Variants in TANC1 observed in about 807,000 individuals in gnomAD.
TANC1 encodes the protein tetratricopeptide repeat, ankyrin repeat and coiled-coil containing 1.
A neutral mutation model predicts 149.7 loss-of-function variants in TANC1; 77 were observed. The ratio of observed to expected loss-of-function variants is 0.51; its 90% CI spans 0.43 to 0.62. The LOEUF is 0.62. TANC1 is among the 20% of genes least tolerant of loss of function. TANC1 has a pLI of 0.00. For missense variants in TANC1, 1,985 were observed against 2,321.8 expected (o/e 0.85, Z 2.98); for synonymous variants, 854 against 925.0 (o/e 0.92, Z 1.39).
intron 14 of TANC1, among the ~76,000 whole-genome samples, chr2:159,180,792 A>G (rs1467741353): frequency 1.3e-5 from 2 of 152,208 alleles, no homozygotes; most frequent in Admixed American, 6.5e-5. Context: ...GTTATGTGCA[A>G]AGTACTGTGG....
chr2:159,163,315 C>G lies in TANC1; in HGVS notation c.715C>G (p.Arg239Gly), dbSNP rs367744696. Residue 239 changes from arginine to glycine, a missense_variant, in exon 8 of 27, where the codon CGG becomes GGG. By Grantham distance (125) the Arg-to-Gly change is moderately radical. Coordinates refer to ENST00000263635, the MANE Select transcript of TANC1 (RefSeq NM_033394.3). ...TACAAGTTCATCCGAAAATGATGAC[C>G]GGAGTGGCTCCAGTTTGGAATGGAA... ...TITSSSENDD[R>G]SGSSLEWNKD... 6 of 1,613,936 alleles carry G rather than the reference C, an allele frequency of 3.7e-6. No homozygotes were observed. Among genetic ancestry groups the G allele is most frequent in the Non-Finnish European group, 4.2e-6 (5 of 1,179,930 alleles).
chr2:159,074,507 G>A (rs886961163), intron 3 of TANC1, among the ~76,000 whole-genome samples: 2 of 152,148 alleles, frequency 1.3e-5, no homozygotes, highest in African/African-American at 2.4e-5. Context: ...ATGGAAGAGA[G>A]CCACCTGCAC....
chr2:159,186,766 T>A (rs1258332297), intron 15 of TANC1, 136 bp from the exon 16 acceptor site: 1 of 1,058,502 alleles, frequency 9.4e-7, no homozygotes, highest in African/African-American at 1.6e-5. Flanking sequence ...ATTCTTTGTG[T>A]GTGACCCCGT....
chr2:159,001,291 A>G lies in TANC1; in HGVS notation c.-16+102A>G, dbSNP rs989619659. 1 of 152,288 alleles carries G rather than the reference A, an allele frequency of 6.6e-6. No individual in the cohort carries two copies. The highest frequency in any genetic ancestry group is 1.5e-5 in the Non-Finnish European group (1 of 68,080). 9.4% of individuals were successfully genotyped at this position (152,288 alleles called of 1,614,324 possible). A position where few individuals can be genotyped will look rare whatever the true frequency, so the allele number is the denominator to read the frequency against. ...TGAGGTTAGAAGAGAGATGGCCTGT[A>G]GAACGTCCAGTCTTTCCACCTGCCC... On this transcript the variant is annotated intron_variant, in intron 2 of 26. Transcript: ENST00000263635. This position sits in a 1 kb window ranked among gnomAD's most constrained non-coding sequence, Gnocchi z 4.3.
At chr2:159,047,483 C>G (rs1479437826) in intron 2 of TANC1, among the ~76,000 whole-genome samples, 2 of 152,112 alleles carry the variant, frequency 1.3e-5, no homozygotes, top group Non-Finnish European at 2.9e-5. Flanking sequence ...CTGGGAACTA[C>G]TTAGGGCAAA....
intron 3 of TANC1, among the ~76,000 whole-genome samples, chr2:159,087,280 T>C (rs1330964587): frequency 1.3e-5 from 2 of 152,334 alleles, no homozygotes; most frequent in East Asian, 3.9e-4. Flanking sequence ...TAGTGGATTC[T>C]GTTTTTTCTC....
Position 159,170,767 on chromosome 2 carries a change from G to A in TANC1, c.1313G>A (p.Arg438Lys). 6.2e-7 allele frequency: 1 copy of A among 1,614,214 alleles called. No homozygotes were observed. The highest frequency in any genetic ancestry group is 8.5e-7 in the Non-Finnish European group (1 of 1,180,024). ...VALSCHGSRM[R>K]QIASNSPGSS... ...CTGAGCTGCCACGGAAGCCGCATGA[G>A]GCAGATTGCTTCCAACAGCCCGGGT... The change falls in exon 10 of 27, where the codon AGG becomes AAG. Residue 438 changes from arginine (R) to lysine (K), a missense_variant. This residue lies in a region of TANC1 where 557 missense variants were observed against 612.9 expected (regional missense o/e 0.91). Transcript: ENST00000263635.
intron 1 of TANC1, among the ~76,000 whole-genome samples, chr2:158,983,468 C>CAA (rs35472970): frequency 7.6e-4 from 67 of 88,710 alleles, no homozygotes; most frequent in African/African-American, 2.2e-3. Context: ...CTCCGTCTCC[C>CAA]AAAAAAAAAA....
At chr2:159,087,842 G>C (rs979612983) in intron 3 of TANC1, among the ~76,000 whole-genome samples, 1 of 149,432 alleles carries the variant, frequency 6.7e-6, no homozygotes, top group African/African-American at 2.5e-5. Context: ...TTCAGATGAA[G>C]TCACGCTAGG....
In TANC1 at chr2:159,221,804, C is replaced by T. The variant is rs532010832; in HGVS notation, c.3678+1937C>T. Among the ~76,000 whole-genome samples, 13 of 152,280 alleles carry T rather than the reference C, an allele frequency of 8.5e-5. No homozygotes were observed. In the South Asian group the frequency reaches 1.9e-3, roughly 22 times the overall value. On this transcript the variant is annotated intron_variant, in intron 22 of 26. Transcript: ENST00000263635. ...TCTTTGCCAAATGCCCATGTCTAATCGAGGTTTGAGGGAATAAAACCTTGA... is the reference window on the plus strand; with the variant it reads ...TCTTTGCCAAATGCCCATGTCTAATTGAGGTTTGAGGGAATAAAACCTTGA...
At chr2:159,225,813 A>G (rs1255467924) in intron 24 of TANC1, 34 bp downstream of exon 24, 1 of 1,499,160 alleles carries the variant, frequency 6.7e-7, no homozygotes, top group Non-Finnish European at 9.3e-7. Context: ...TGCCATTGAA[A>G]CTGCCTGGGA....
chr2:159,203,209 C>CTTT lies in TANC1; in HGVS notation c.3244+4170_3244+4172dup, dbSNP rs56319016. Among the ~76,000 whole-genome samples, 27 of 101,666 alleles carry CTTT rather than the reference C, an allele frequency of 2.7e-4. 1 individual carries two copies. Among genetic ancestry groups the CTTT allele is most frequent in the Non-Finnish European group, 3.8e-4 (16 of 41,894 alleles). 66.7% of individuals were successfully genotyped at this position (101,666 alleles called of 152,430 possible). A position where few individuals can be genotyped will look rare whatever the true frequency, so the allele number is the denominator to read the frequency against. ...ATCTTATTCGATAGGCTTTTCTTTT[C>CTTT]TTTTTTTTTTTTTTTTGAGATGGAG... On this transcript the variant is annotated intron_variant, in intron 19 of 26. Transcript: ENST00000263635.
intron 4 of TANC1, among the ~76,000 whole-genome samples, chr2:159,121,566 G>T (rs1380914203): frequency 6.6e-6 from 1 of 152,168 alleles, no homozygotes; most frequent in East Asian, 1.9e-4. Flanking sequence ...CTGACCTCTG[G>T]TGATCCACCT....
intron 2 of TANC1, among the ~76,000 whole-genome samples, chr2:159,025,307 G>A (rs938687296): frequency 1.8e-4 from 26 of 143,856 alleles, no homozygotes; most frequent in Admixed American, 1.2e-3. Flanking sequence ...TGTGGTAAGT[G>A]TACCTAAAAC....
At chr2:159,030,650 C>G (rs998187617) in intron 2 of TANC1, among the ~76,000 whole-genome samples, 30 of 152,306 alleles carry the variant, frequency 2.0e-4, no homozygotes, top group African/African-American at 7.0e-4. Flanking sequence ...TCAGCATACT[C>G]AAAGCCAACA....
intron 19 of TANC1, among the ~76,000 whole-genome samples, chr2:159,200,375 G>A (rs1334749273): frequency 6.6e-6 from 1 of 152,220 alleles, no homozygotes; most frequent in Non-Finnish European, 1.5e-5. Context: ...CTAGCTCCCT[G>A]CAGAGCTGTC....
At chr2:159,025,204 T>TCTTTCTTTCTTC (rs2039200327) in intron 2 of TANC1, among the ~76,000 whole-genome samples, 2 of 143,560 alleles carry the variant, frequency 1.4e-5, no homozygotes, top group South Asian at 4.5e-4. Context: ...TTTCTTTCTT[T>TCTTTCTTTCTTC]CTTTCTTTCT....
intron 2 of TANC1, among the ~76,000 whole-genome samples, chr2:159,035,368 TGTG>T (rs1400552910): frequency 2.0e-5 from 3 of 152,216 alleles, no homozygotes; most frequent in African/African-American, 7.2e-5. Flanking sequence ...GAGAATATTT[TGTG>T]GTGTAATGCT....
At chr2:159,116,153 G>A (rs1484171272) in intron 4 of TANC1, among the ~76,000 whole-genome samples, 6 of 152,176 alleles carry the variant, frequency 3.9e-5, no homozygotes, top group African/African-American at 1.4e-4. Flanking sequence ...GTGGCTGGGC[G>A]CGGTGGCTCA....
Sources: allele counts gnomAD v4.1 joint callset (sites outside exome capture counted in the v4.1 genomes callset), GRCh38; gene constraint gnomAD v4.1.1; regional missense constraint gnomAD v4.1.1; non-coding constraint Gnocchi (gnomAD v3.1); transcripts MANE v1.5; gene names NCBI Gene and HGNC (gene_info 2026-07-23, HGNC 2026-07-21).